CFAP77: variants seen among roughly 807,000 people sequenced by gnomAD.
CFAP77 encodes the protein cilia and flagella associated protein 77, also known as cilia- and flagella-associated protein 77.
In CFAP77, 25 loss-of-function variants were observed where a neutral mutation model predicts 31.1. The observed-to-expected ratio is 0.80, with a 90% CI of 0.59 to 1.12. CFAP77 has a LOEUF of 1.12. Ranked by LOEUF, CFAP77 falls within the 50% of genes most tolerant of loss-of-function variation. The pLI is 0.00. For missense variants in CFAP77, 377 were observed against 397.3 expected, an observed-to-expected ratio of 0.95 and a Z score of 0.44; for synonymous variants, 151 against 159.9, an observed-to-expected ratio of 0.94 and a Z score of 0.42.
At chr9:132,525,237 C>T (rs1211253525) in intron 3 of CFAP77, among the ~76,000 whole-genome samples, 1 of 152,044 alleles carries the variant, frequency 6.6e-6, no homozygotes, top group African/African-American at 2.4e-5. Context: ...CCAGACTTCT[C>T]TTGAACTCCT....
chr9:132,511,780 G>C lies in CFAP77; in HGVS notation c.524+12180G>C, dbSNP rs540960. On this transcript the variant is annotated intron_variant, in intron 3 of 5. Coordinates refer to ENST00000393216, the MANE Select transcript of CFAP77 (RefSeq NM_001282957.2). This position sits in a 1 kb window ranked among gnomAD's most constrained non-coding sequence, Gnocchi z 5.8. Reference sequence around the variant, plus strand: ...TTAAAATAACAAAAATGAAGCGGCCGCGCGGCGGCTCACGCCTGTCATCCC... The same window carrying C: ...TTAAAATAACAAAAATGAAGCGGCCCCGCGGCGGCTCACGCCTGTCATCCC... Among the ~76,000 whole-genome samples the C allele has an allele frequency of 0.015, 2,246 of 152,298 alleles. 61 individuals carry two copies. Among genetic ancestry groups the C allele is most frequent in the African/African-American group, 0.051 (2,103 of 41,546 alleles).
intron 5 of CFAP77, among the ~76,000 whole-genome samples, chr9:132,555,872 G>C (rs954324879): frequency 2.6e-5 from 4 of 151,998 alleles, no homozygotes; most frequent in African/African-American, 7.2e-5. Flanking sequence ...CTGAGATCTG[G>C]CAAGTGCCAA....
intron 1 of CFAP77, among the ~76,000 whole-genome samples, chr9:132,463,773 C>G (rs494839): frequency 0.45 from 67,689 of 152,038 alleles, 15,093 homozygotes; most frequent in African/African-American, 0.49. Flanking sequence ...CTGGAGGCAA[C>G]GGGGAGTCCA....
chr9:132,516,590 T>TACACACACACACACACAC (rs34683089), intron 3 of CFAP77, among the ~76,000 whole-genome samples: 1 of 144,940 alleles, frequency 6.9e-6, no homozygotes, highest in African/African-American at 2.6e-5. Flanking sequence ...CACACAGAAA[T>TACACACACACACACACAC]ACACACACAC....
At chr9:132,515,718 A>G (rs1852134025) in intron 3 of CFAP77, among the ~76,000 whole-genome samples, 1 of 152,112 alleles carries the variant, frequency 6.6e-6, no homozygotes, top group Non-Finnish European at 1.5e-5. Flanking sequence ...ATGAAGGCAG[A>G]GAGAGGATAG....
At chr9:132,530,519 C>T (rs530903546) in intron 3 of CFAP77, among the ~76,000 whole-genome samples, 1 of 152,252 alleles carries the variant, frequency 6.6e-6, no homozygotes, top group African/African-American at 2.4e-5. Flanking sequence ...AGGTGATCTG[C>T]CCCCCTCGGC....
At chr9:132,454,032 G>A (rs1850873979) in intron 1 of CFAP77, among the ~76,000 whole-genome samples, 1 of 152,138 alleles carries the variant, frequency 6.6e-6, no homozygotes, top group South Asian at 2.1e-4. Context: ...AATAATTGAT[G>A]TACATTCTTT....
At position 132,537,715 on chromosome 9, in the gene CFAP77, A is replaced by G. The variant is rs1206632304; in HGVS notation, c.630+9A>G. The stretch of plus-strand genomic sequence containing the variant: ...TGGAGAAGAAGCAGAAGGTAAATGC[A>G]GCCCTCGCTCCCAAGTTGACAGCTG... On this transcript the variant is annotated intron_variant, in intron 4 of 5. Coordinates refer to ENST00000393216, the MANE Select transcript of CFAP77 (RefSeq NM_001282957.2). 1 of 1,607,116 alleles carries G rather than the reference A, an allele frequency of 6.2e-7. No homozygotes were observed. The highest frequency in any genetic ancestry group is 1.1e-5 in the South Asian group (1 of 90,572).
At chr9:132,473,972 C>T (rs552132516) in intron 1 of CFAP77, among the ~76,000 whole-genome samples, 62 of 152,308 alleles carry the variant, frequency 4.1e-4, no homozygotes, top group Non-Finnish European at 5.6e-4. Flanking sequence ...CGTGAGCCAC[C>T]GCGCCTGGGC....
chr9:132,428,677 G>C (rs1850355251), intron 1 of CFAP77, among the ~76,000 whole-genome samples: 1 of 152,106 alleles, frequency 6.6e-6, no homozygotes, highest in South Asian at 2.1e-4. Context: ...GATTACCCTG[G>C]AAATGAGGTT....
chr9:132,520,789 C>A (rs1852251303), intron 3 of CFAP77, among the ~76,000 whole-genome samples: 1 of 152,222 alleles, frequency 6.6e-6, no homozygotes, highest in South Asian at 2.1e-4. Flanking sequence ...CTTCTGCCCC[C>A]TGGCCCAGGA....
intron 1 of CFAP77, among the ~76,000 whole-genome samples, chr9:132,431,261 T>C (rs1850405985): frequency 6.6e-6 from 1 of 152,198 alleles, no homozygotes; most frequent in Non-Finnish European, 1.5e-5. Context: ...CAAGTTAGCT[T>C]CTTGCAAACA....
chr9:132,516,004 C>A (rs1304980610), intron 3 of CFAP77, among the ~76,000 whole-genome samples: 1 of 152,130 alleles, frequency 6.6e-6, no homozygotes, highest in Non-Finnish European at 1.5e-5. Flanking sequence ...AGAGGCCTGG[C>A]AGATAAAAGG....
intron 5 of CFAP77, among the ~76,000 whole-genome samples, chr9:132,546,468 C>T (rs1483144370): frequency 1.3e-5 from 2 of 152,184 alleles, no homozygotes; most frequent in Admixed American, 6.5e-5. Context: ...TCTCCCCGCT[C>T]ACGAGCAGAT....
intron 1 of CFAP77, among the ~76,000 whole-genome samples, chr9:132,473,475 A>C (rs953818110): frequency 6.6e-5 from 10 of 152,192 alleles, no homozygotes; most frequent in African/African-American, 1.9e-4. Flanking sequence ...CTTGGATTTC[A>C]ACCCAGGCAA....
At chr9:132,469,332 G>A (rs1851213097) in intron 1 of CFAP77, among the ~76,000 whole-genome samples, 1 of 152,196 alleles carries the variant, frequency 6.6e-6, no homozygotes, top group African/African-American at 2.4e-5. Context: ...GTGTTAGCAA[G>A]GCTTATAAGA....
At chr9:132,555,662 TCCTC>T (rs1852891641) in intron 5 of CFAP77, among the ~76,000 whole-genome samples, 1 of 152,084 alleles carries the variant, frequency 6.6e-6, no homozygotes, top group Non-Finnish European at 1.5e-5. Context: ...AGCTGGTGTC[TCCTC>T]CCAGCCCAAT....
At position 132,461,797 on chromosome 9, in the gene CFAP77, T is replaced by C. The variant is rs80161015; in HGVS notation, c.196-36898T>C. The stretch of plus-strand genomic sequence containing the variant: ...GCTTTGTTAAAGACAGACAGGCTTC[T>C]CAGCCAAGGCCTTTGTTGTGCCACT... On this transcript the variant is annotated intron_variant, in intron 1 of 5. Coordinates refer to ENST00000393216, the MANE Select transcript of CFAP77 (RefSeq NM_001282957.2). Among the ~76,000 whole-genome samples the C allele has an allele frequency of 8.9e-3, 1,356 of 152,346 alleles. 24 individuals are homozygous for C. The highest frequency in any genetic ancestry group is 0.031 in the African/African-American group (1,284 of 41,580).
intron 1 of CFAP77, among the ~76,000 whole-genome samples, chr9:132,451,417 T>C (rs1850825480): frequency 6.6e-6 from 1 of 151,810 alleles, no homozygotes; most frequent in Admixed American, 6.5e-5. Flanking sequence ...CTTTTAGCGC[T>C]GGTGGTTTTA....
Sources: allele counts gnomAD v4.1 joint callset (sites outside exome capture counted in the v4.1 genomes callset), GRCh38; gene constraint gnomAD v4.1.1; non-coding constraint Gnocchi (gnomAD v3.1); transcripts MANE v1.5; gene names NCBI Gene and HGNC (gene_info 2026-07-23, HGNC 2026-07-21).